POP1: variants seen among roughly 807,000 people sequenced by gnomAD.
POP1 encodes POP1 ribonuclease P/MRP subunit, also known as ribonucleases P/MRP protein subunit POP1.
A neutral mutation model predicts 102.2 loss-of-function variants in POP1; 75 were observed. The ratio of observed to expected loss-of-function variants is 0.73; its 90% CI spans 0.61 to 0.89. The LOEUF (loss-of-function observed/expected upper bound fraction) is 0.89. Ranked by LOEUF, POP1 falls within the 40% of genes least tolerant of loss-of-function variation. POP1 has a pLI of 0.00. For missense variants in POP1, 1,116 were observed against 1,267.4 expected, an observed-to-expected ratio of 0.88 and a Z score of 1.81; for synonymous variants, 436 against 464.1, an observed-to-expected ratio of 0.94 and a Z score of 0.78.
At position 98,128,504 on chromosome 8, in the gene POP1, C is replaced by T. The variant is rs962301372; in HGVS notation, c.450C>T (p.Arg150=). Residue 150 remains arginine (R), a synonymous_variant, in exon 4 of 16, where the codon CGC becomes CGT. Transcript: ENST00000401707. ...RRRAMSHNVK[R]LPRRLQEIAQ... Reference sequence around the variant, plus strand: ...GAGCCATGAGCCACAACGTCAAACGCCTTCCCAGACGGTTACAGGAGATTG... The same window carrying T: ...GAGCCATGAGCCACAACGTCAAACGTCTTCCCAGACGGTTACAGGAGATTG... 1 of 1,613,862 alleles carries T rather than the reference C, an allele frequency of 6.2e-7. No homozygotes were observed. The highest frequency in any genetic ancestry group is 1.3e-5 in the African/African-American group (1 of 74,920).
chr8:98,134,534 C>G lies in POP1; in HGVS notation c.886C>G (p.Arg296Gly). 6.2e-7 allele frequency: 1 copy of G among 1,614,184 alleles called. No homozygotes were observed. The highest frequency in any genetic ancestry group is 8.5e-7 in the Non-Finnish European group (1 of 1,180,028). ...GKRQGSLVLY[R>G]VNKYPREMLG... The stretch of plus-strand genomic sequence containing the variant: ...GCGCCAAGGGAGCCTTGTGCTTTAT[C>G]GGGTGAATAAATATCCCAGAGAAAT... The change falls in exon 7 of 16, where the codon CGG (arginine) becomes GGG (glycine). Residue 296 changes from arginine (R) to glycine (G), a missense_variant. Arg to Gly is a moderately radical substitution (Grantham distance 125, BLOSUM62 -2). Coordinates refer to ENST00000401707, the MANE Select transcript of POP1 (RefSeq NM_001145860.2).
chr8:98,133,897 T>C, intron 5 of POP1, 52 bp from the exon 6 acceptor site: 1 of 1,371,944 alleles, frequency 7.3e-7, no homozygotes, highest in Non-Finnish European at 1.0e-6. Flanking sequence ...TTCTTAGCAG[T>C]TTTGCCTGTG....
At position 98,134,581 on chromosome 8, in the gene POP1, C is replaced by T. The variant is rs34680723; in HGVS notation, c.933C>T (p.Ile311=). The change falls in exon 7 of 16, where the codon ATC becomes ATT. Residue 311 remains isoleucine (I), a synonymous_variant. Transcript: ENST00000401707. ...PREMLGPVTF[I]WKSQRTPGDP... is the part of the protein sequence containing the mutation. Reference sequence around the variant, plus strand: ...AAATGCTTGGGCCTGTTACGTTTATCTGGAAGTCCCAGAGGACCCCGGGTG... The same window carrying T: ...AAATGCTTGGGCCTGTTACGTTTATTTGGAAGTCCCAGAGGACCCCGGGTG... The T allele has an allele frequency of 2.3e-3, 3,744 of 1,614,162 alleles. 73 individuals are homozygous for T. In the African/African-American group the frequency reaches 0.045, roughly 19 times the overall value.
chr8:98,128,052 A>G (rs1014808617), intron 3 of POP1, among the ~76,000 whole-genome samples: 1 of 152,092 alleles, frequency 6.6e-6, no homozygotes, highest in East Asian at 1.9e-4. Context: ...TAAATATGCC[A>G]TCCACACTCA....
In POP1 at chr8:98,130,116, G is replaced by A. The variant is rs774501572; in HGVS notation, c.625G>A (p.Ala209Thr). 3 of 1,614,206 alleles carry A rather than the reference G, an allele frequency of 1.9e-6. No individual in the cohort carries two copies. Among genetic ancestry groups the A allele is most frequent in the East Asian group, 2.2e-5 (1 of 44,882 alleles). The change falls in exon 5 of 16, where the codon GCC (alanine) becomes ACC (threonine). Residue 209 changes from alanine to threonine, a missense_variant. Physicochemically the swap from Ala to Thr is moderately conservative, Grantham distance 58. Transcript: ENST00000401707. ...NIWLETHIWH[A>T]KRFHMVKKWG... Reference sequence around the variant, plus strand: ...TTGGTTAGAAACTCACATCTGGCACGCCAAGCGGTTTCATATGGTCAAGAA... The same window carrying A: ...TTGGTTAGAAACTCACATCTGGCACACCAAGCGGTTTCATATGGTCAAGAA...
intron 11 of POP1, among the ~76,000 whole-genome samples, chr8:98,142,459 A>G (rs917967412): frequency 1.3e-5 from 2 of 152,236 alleles, no homozygotes; most frequent in African/African-American, 4.8e-5. Flanking sequence ...TAGAATTTGA[A>G]TTAAATATTA....
At chr8:98,125,044 C>G (rs1816155312) in intron 2 of POP1, among the ~76,000 whole-genome samples, 1 of 152,122 alleles carries the variant, frequency 6.6e-6, no homozygotes, top group Non-Finnish European at 1.5e-5. Context: ...TATGATAAGG[C>G]TTTCACATTT....
chr8:98,137,227 A>G (rs1465847242), intron 9 of POP1, among the ~76,000 whole-genome samples: 4 of 151,892 alleles, frequency 2.6e-5, no homozygotes, highest in Non-Finnish European at 5.9e-5. Flanking sequence ...CTTCTGCTTC[A>G]TAGGTAGGGA....
intron 5 of POP1, among the ~76,000 whole-genome samples, chr8:98,130,814 TG>T (rs1178358360): frequency 6.6e-6 from 1 of 152,230 alleles, no homozygotes; most frequent in African/African-American, 2.4e-5. Context: ...TAGGTGTTTA[TG>T]GGTCAGTGGG....
intron 11 of POP1, among the ~76,000 whole-genome samples, chr8:98,144,404 T>G (rs971205653): frequency 6.6e-6 from 1 of 151,840 alleles, no homozygotes; most frequent in Non-Finnish European, 1.5e-5. Context: ...GCCCCCCAAA[T>G]AGCTGGGATT....
chr8:98,127,414 G>T (rs1339453741), intron 2 of POP1, among the ~76,000 whole-genome samples, 181 bp from the exon 3 acceptor site: 1 of 152,082 alleles, frequency 6.6e-6, no homozygotes, highest in African/African-American at 2.4e-5. Flanking sequence ...TTGTGACCTC[G>T]AGCAAGTTAA....
At chr8:98,151,645 T>A (rs923987388) in intron 14 of POP1, among the ~76,000 whole-genome samples, 1 of 152,130 alleles carries the variant, frequency 6.6e-6, no homozygotes, top group South Asian at 2.1e-4. Flanking sequence ...TTGAATATTG[T>A]AGTTCCTTGA....
rs1167530097 is a variant in POP1 at position 98,127,761 on chromosome 8, T to C, written c.309T>C (p.Thr103=). The C allele has an allele frequency of 6.2e-7, 1 of 1,613,766 alleles. No homozygotes were observed. The highest frequency in any genetic ancestry group is 8.5e-7 in the Non-Finnish European group (1 of 1,179,692). The change falls in exon 3 of 16, where the codon ACT becomes ACC. Residue 103 remains threonine (T), a splice_region_variant and synonymous_variant. Coordinates refer to ENST00000401707, the MANE Select transcript of POP1 (RefSeq NM_001145860.2). Reference sequence around the variant, plus strand: ...CTCAGGAGATCCCCAAGTATATAACTGGTGGGTACTCATAAAGAGGTGCAG... The same window carrying C: ...CTCAGGAGATCCCCAAGTATATAACCGGTGGGTACTCATAAAGAGGTGCAG... ...GTSQEIPKYI[T]ASTFAQARAA...
At chr8:98,137,463 C>T (rs1816579271) in intron 9 of POP1, among the ~76,000 whole-genome samples, 1 of 152,088 alleles carries the variant, frequency 6.6e-6, no homozygotes, top group South Asian at 2.1e-4. Flanking sequence ...CCACCAGGCC[C>T]AGCTAGTAGA....
intron 13 of POP1, 100 bp from the exon 14 acceptor site, chr8:98,150,385 T>G (rs943031774): frequency 2.3e-6 from 3 of 1,279,376 alleles, no homozygotes; most frequent in African/African-American, 2.9e-5. Flanking sequence ...CATTCTCCTT[T>G]TGAGGGGCGT....
At chr8:98,151,234 A>C (rs78667621) in intron 14 of POP1, among the ~76,000 whole-genome samples, 3,304 of 152,182 alleles carry the variant, frequency 0.022, 69 homozygotes, top group Middle Eastern at 0.068. Context: ...GGCATGTGCC[A>C]TTGTGCCTGG....
chr8:98,119,347 G>A (rs1815946086), intron 1 of POP1, among the ~76,000 whole-genome samples: 2 of 152,240 alleles, frequency 1.3e-5, no homozygotes, highest in East Asian at 3.9e-4. Flanking sequence ...TTTTAGATCT[G>A]GAAGAAAATA....
intron 7 of POP1, among the ~76,000 whole-genome samples, chr8:98,135,903 A>G (rs765501490): frequency 1.4e-4 from 21 of 151,772 alleles, no homozygotes; most frequent in Admixed American, 2.6e-4. Context: ...AGGTCTCCCT[A>G]TGTTGCCCAG....
intron 5 of POP1, among the ~76,000 whole-genome samples, chr8:98,131,579 G>A (rs761664468): frequency 9.9e-5 from 15 of 152,252 alleles, no homozygotes; most frequent in African/African-American, 2.6e-4. Context: ...TGCAAATATC[G>A]TTACAGTCCC....
Sources: allele counts gnomAD v4.1 joint callset (sites outside exome capture counted in the v4.1 genomes callset), GRCh38; gene constraint gnomAD v4.1.1; transcripts MANE v1.5; gene names NCBI Gene and HGNC (gene_info 2026-07-23, HGNC 2026-07-21).